STYXL2: variants seen among roughly 807,000 people sequenced by gnomAD.
STYXL2 encodes the protein serine/threonine/tyrosine interacting like 2, also known as serine/threonine/tyrosine-interacting-like protein 2.
In STYXL2, 44 loss-of-function variants were observed where a neutral mutation model predicts 52.4. The ratio of observed to expected loss-of-function variants is 0.84; its 90% confidence interval spans 0.66 to 1.08. The LOEUF is 1.08. Ranked by LOEUF, STYXL2 falls within the 50% of genes least tolerant of loss-of-function variation. STYXL2 has a pLI of 0.00. For missense variants in STYXL2, 1,604 were observed against 1,471.7 expected (o/e 1.09, Z -1.47); for synonymous variants, 604 against 586.9 (o/e 1.03, Z -0.42).
chr1:167,111,093 G>T (rs1667607725), intron 2 of STYXL2, among the ~76,000 whole-genome samples: 1 of 152,130 alleles, frequency 6.6e-6, no homozygotes, highest in African/African-American at 2.4e-5. Context: ...AAGCCTCCAA[G>T]AAATTTAGAA....
In STYXL2 at chr1:167,117,322, C is replaced by T; in HGVS notation, c.206-6C>T. 1 of 1,600,692 alleles carries T rather than the reference C, an allele frequency of 6.2e-7. No homozygotes were observed. Among genetic ancestry groups the T allele is most frequent in the Non-Finnish European group, 8.5e-7 (1 of 1,173,760 alleles). ...CTCTGATGAGAATGCTGCCTGTCTC[C>T]TCTAGAACTCAAGCCACCGGGGGTC... On this transcript the variant is annotated splice_region_variant and splice_polypyrimidine_tract_variant and intron_variant, in intron 3 of 5. Transcript: ENST00000361200.
intron 2 of STYXL2, among the ~76,000 whole-genome samples, chr1:167,105,875 C>T (rs1217080124): frequency 1.3e-5 from 2 of 152,170 alleles, no homozygotes; most frequent in East Asian, 3.9e-4. Context: ...ACAGAAACAT[C>T]GTGGGGCTGA....
Position 167,126,559 on chromosome 1 carries a change from C to G in STYXL2, c.1428C>G (p.Thr476=), listed in dbSNP as rs1667973812. Residue 476 remains threonine, a synonymous_variant, in exon 6 of 6, where the codon ACC becomes ACG. Coordinates refer to ENST00000361200, the MANE Select transcript of STYXL2 (RefSeq NM_001080426.3). ...CAGACTCGATGTCCTCGGAGAGCAC[C>G]TGGGACGCATGGAACGAGAGGCTGC... ...RRADSMSSES[T]WDAWNERLLE... is the part of the protein sequence containing the mutation. 6.2e-7 allele frequency: 1 copy of G among 1,613,960 alleles called. No homozygotes were observed. The highest frequency in any genetic ancestry group is 2.2e-5 in the East Asian group (1 of 44,816).
chr1:167,117,253 G>T (rs1667743720), intron 3 of STYXL2, 75 bp from the exon 4 acceptor site: 3 of 1,336,668 alleles, frequency 2.2e-6, no homozygotes, highest in Non-Finnish European at 3.1e-6. Flanking sequence ...CTGGCCAAGA[G>T]CATGTTCTCC....
At position 167,126,086 on chromosome 1, in the gene STYXL2, G is replaced by C; in HGVS notation, c.955G>C (p.Asp319His). 1 of 1,530,112 alleles carries C rather than the reference G, an allele frequency of 6.5e-7. No individual in the cohort carries two copies. Among genetic ancestry groups the C allele is most frequent in the Non-Finnish European group, 8.8e-7 (1 of 1,139,910 alleles). The allele number at this position is 1,530,112 out of a possible 1,614,324, so 94.8% of individuals were successfully genotyped here. A position where few individuals can be genotyped will look rare whatever the true frequency, so the allele number is the denominator to read the frequency against. The change falls in exon 6 of 6, where the codon GAC (aspartate) becomes CAC (histidine). Residue 319 changes from aspartate to histidine, a missense_variant. Coordinates refer to ENST00000361200, the MANE Select transcript of STYXL2 (RefSeq NM_001080426.3). ...CGCCCTGACGGTGGAAGAGGAGGAC[G>C]ACAGCGCCAGCCACCTGAGTGGCTC... The part of the protein sequence containing the change: ...VHALTVEEED[D>H]SASHLSGSSL...
chr1:167,117,419 C>T lies in STYXL2; in HGVS notation c.297C>T (p.Arg99=), dbSNP rs749750951. The change falls in exon 4 of 6, where the codon CGC becomes CGT. Residue 99 remains arginine, a synonymous_variant. Transcript: ENST00000361200. ...TGCTGGTGGAGGACCTGTACAACCGCGTCAGGGAGAAGATGGATGACACCA... is the reference window on the plus strand; with the variant it reads ...TGCTGGTGGAGGACCTGTACAACCGTGTCAGGGAGAAGATGGATGACACCA... ...EQLLVEDLYN[R]VREKMDDTSL... 12 of 1,612,646 alleles carry T rather than the reference C, an allele frequency of 7.4e-6. No homozygotes were observed. The highest frequency in any genetic ancestry group is 1.6e-4 in the Middle Eastern group (1 of 6,084).
Position 167,126,978 on chromosome 1 carries a change from A to C in STYXL2, c.1847A>C (p.Asp616Ala). The C allele has an allele frequency of 6.2e-7, 1 of 1,609,282 alleles. No individual in the cohort carries two copies. The highest frequency in any genetic ancestry group is 1.3e-5 in the African/African-American group (1 of 74,926). Residue 616 changes from aspartate (D) to alanine (A), a missense_variant, in exon 6 of 6, where the codon GAC (aspartate) becomes GCC (alanine). Coordinates refer to ENST00000361200, the MANE Select transcript of STYXL2 (RefSeq NM_001080426.3). ...EEVVELSKGE[D>A]SALAKKRQRR... ...GTGGTGGAGCTCAGCAAGGGGGAGG[A>C]CTCGGCCTTGGCTAAGAAGAGACAA...
chr1:167,098,429 C>T (rs1445483013), intron 2 of STYXL2, among the ~76,000 whole-genome samples: 2 of 151,816 alleles, frequency 1.3e-5, no homozygotes, highest in South Asian at 2.1e-4. Flanking sequence ...TGAGCTATGA[C>T]CATGCCACTG....
chr1:167,128,324 T>G lies in STYXL2; in HGVS notation c.3193T>G (p.Ser1065Ala), dbSNP rs191555257. ...PEPQRPNWAR[S>A]RDWEDVEESS... ...ACCACAGCGCCCAAATTGGGCCAGG[T>G]CCAGGGACTGGGAAGATGTGGAAGA... Residue 1065 changes from serine (S) to alanine (A), a missense_variant, in exon 6 of 6, where the codon TCC (serine) becomes GCC (alanine). Coordinates refer to ENST00000361200, the MANE Select transcript of STYXL2 (RefSeq NM_001080426.3). 4 of 1,613,956 alleles carry G rather than the reference T, an allele frequency of 2.5e-6. No individual in the cohort carries two copies. In the East Asian group the frequency reaches 8.9e-5, roughly 36 times the overall value.
Position 167,094,901 on chromosome 1 carries a change from G to T in STYXL2, c.52G>T (p.Asp18Tyr). 6.2e-7 allele frequency: 1 copy of T among 1,613,228 alleles called. No homozygotes were observed. Among genetic ancestry groups the T allele is most frequent in the East Asian group, 2.2e-5 (1 of 44,822 alleles). The change falls in exon 2 of 6, where the codon GAC becomes TAC. Residue 18 changes from aspartate to tyrosine, a missense_variant. Physicochemically the swap from Asp to Tyr is radical, Grantham distance 160. Transcript: ENST00000361200. ...EEEQVVPSEE[D>Y]EANVRAVQAH... is the part of the protein sequence containing the mutation. ...GGAGCAGGTAGTCCCAAGCGAGGAG[G>T]ACGAAGCCAACGTGAGGGCGGTGCA...
chr1:167,105,662 G>A (rs570352697), intron 2 of STYXL2, among the ~76,000 whole-genome samples: 13 of 152,150 alleles, frequency 8.5e-5, no homozygotes, highest in Non-Finnish European at 1.2e-4. Context: ...ACAAGCGTCC[G>A]TTTTAGGTCT....
At chr1:167,102,673 A>T (rs1667426293) in intron 2 of STYXL2, among the ~76,000 whole-genome samples, 1 of 152,194 alleles carries the variant, frequency 6.6e-6, no homozygotes, top group African/African-American at 2.4e-5. Context: ...TGCTTCTCTA[A>T]TTCTGCCATG....
intron 5 of STYXL2, among the ~76,000 whole-genome samples, chr1:167,120,728 C>CA (rs778839128): frequency 7.3e-5 from 11 of 151,350 alleles, no homozygotes; most frequent in Non-Finnish European, 1.6e-4. Context: ...GCGATCCTCC[C>CA]ACCTCGGCCT....
intron 2 of STYXL2, 124 bp downstream of exon 2, chr1:167,095,083 G>A: frequency 1.5e-6 from 1 of 677,134 alleles, no homozygotes; most frequent in Non-Finnish European, 2.6e-6. Context: ...AAATATTATT[G>A]AGTACTTGTA....
intron 2 of STYXL2, among the ~76,000 whole-genome samples, chr1:167,103,677 C>T (rs1398278026): frequency 6.6e-6 from 1 of 152,162 alleles, no homozygotes; most frequent in African/African-American, 2.4e-5. Context: ...GAGATTCATC[C>T]ATCTCACAGC....
At position 167,111,469 on chromosome 1, in the gene STYXL2, CATATATATATATATATATAT is replaced by C. The variant is rs776014246; in HGVS notation, c.111-2215_111-2196del. 8.9e-3 allele frequency among the ~76,000 whole-genome samples: 709 copies of C among 79,940 alleles called. 7 individuals carry two copies. Among genetic ancestry groups the C allele is most frequent in the Non-Finnish European group, 0.013 (516 of 38,554 alleles). The allele number at this position is 79,940 out of a possible 152,430, so 52.4% of individuals were successfully genotyped here. A position where few individuals can be genotyped will look rare whatever the true frequency, so the allele number is the denominator to read the frequency against. On this transcript the variant is annotated intron_variant, in intron 2 of 5. Coordinates refer to ENST00000361200, the MANE Select transcript of STYXL2 (RefSeq NM_001080426.3). Reference sequence around the variant, plus strand: ...ACAAGTGGATAAGGAAAATATGGTACATATATATATATATATATATATATATATATATATATATATATATA... The same window carrying C: ...ACAAGTGGATAAGGAAAATATGGTACATATATATATATATATATATATATA...
intron 1 of STYXL2, 71 bp downstream of exon 1, chr1:167,094,265 C>T (rs946782441): frequency 1.3e-5 from 2 of 154,858 alleles, no homozygotes; most frequent in African/African-American, 4.8e-5. Flanking sequence ...GCGGCTTTGC[C>T]CTGAGTGTCA....
At position 167,128,681 on chromosome 1, in the gene STYXL2, A is replaced by G; in HGVS notation, c.*73A>G. On this transcript the variant is annotated 3_prime_UTR_variant, in exon 6 of 6. Transcript: ENST00000361200. ...AGGGCTCAGGGCACACGTTGCCACC[A>G]CTCATCGCAGGATGAGGATACAGAG... 6.7e-7 allele frequency: 1 copy of G among 1,500,766 alleles called. No individual in the cohort carries two copies. Among genetic ancestry groups the G allele is most frequent in the Non-Finnish European group, 8.8e-7 (1 of 1,134,852 alleles). The allele number at this position is 1,500,766 out of a possible 1,614,324, so 93.0% of individuals were successfully genotyped here.
intron 2 of STYXL2, among the ~76,000 whole-genome samples, chr1:167,108,135 G>A (rs1024182457): frequency 4.6e-5 from 7 of 152,154 alleles, no homozygotes; most frequent in Non-Finnish European, 8.8e-5. Flanking sequence ...GGTTGTATGT[G>A]GACACCTGGC....
Sources: allele counts gnomAD v4.1 joint callset (sites outside exome capture counted in the v4.1 genomes callset), GRCh38; gene constraint gnomAD v4.1.1; transcripts MANE v1.5; gene names NCBI Gene and HGNC (gene_info 2026-07-23, HGNC 2026-07-21).